The following PRKN variants were observed in gnomAD, a reference collection of about 807,000 sequenced individuals.
PRKN encodes E3 ubiquitin-protein ligase parkin.
PRKN carries 56 observed loss-of-function variants against 59.5 expected under a neutral mutation model. The ratio of observed to expected loss-of-function variants is 0.94; its 90% CI spans 0.76 to 1.18. The LOEUF (loss-of-function observed/expected upper bound fraction) is 1.18, where lower values mean the gene tolerates loss of function less well. Among genes scored for constraint, PRKN ranks in the 50% most tolerant of loss-of-function variants. The probability of loss-of-function intolerance (pLI) is 0.00; values close to 1 mark genes in which losing one functional copy is unlikely to be tolerated. For synonymous variants in PRKN, 250 were observed against 222.1 expected (o/e 1.13, Z -1.12); for missense variants, 657 against 596.4 (o/e 1.10, Z -1.06).
At chr6:161,455,343 G>A (rs1789919096) in intron 9 of PRKN, among the ~76,000 whole-genome samples, 2 of 152,096 alleles carry the variant, frequency 1.3e-5, no homozygotes, top group South Asian at 4.2e-4. Context: ...GGCCTGACAC[G>A]CTGTGTTCTA....
At position 162,118,127 on chromosome 6, in the gene PRKN, T is replaced by C. The variant is rs937340714; in HGVS notation, c.535-63953A>G. On this transcript the variant is annotated intron_variant, in intron 4 of 11. Coordinates refer to ENST00000366898, the MANE Select transcript of PRKN (RefSeq NM_004562.3). The stretch of plus-strand genomic sequence containing the variant: ...TTTCAAATTTTAAAAATGAGTATGA[T>C]TGGGCCGGGCGCAGTGGCTCACGCC... Among the ~76,000 whole-genome samples, 10 of 151,464 alleles carry C rather than the reference T, an allele frequency of 6.6e-5. No homozygotes were observed. In the East Asian group the frequency reaches 2.0e-3, roughly 30 times the overall value.
chr6:161,847,293 C>A (rs1793240042), intron 6 of PRKN, among the ~76,000 whole-genome samples: 1 of 151,118 alleles, frequency 6.6e-6, no homozygotes, highest in African/African-American at 2.4e-5. Context: ...GGTGACAGAG[C>A]AAGACTCTGT....
intron 10 of PRKN, among the ~76,000 whole-genome samples, chr6:161,375,618 C>A (rs1345176212): frequency 6.6e-6 from 1 of 152,126 alleles, no homozygotes; most frequent in Non-Finnish European, 1.5e-5. Context: ...GTGTGGCAGG[C>A]GACGAAAAGG....
chr6:162,296,215 C>G (rs1385502271), intron 2 of PRKN, among the ~76,000 whole-genome samples: 22 of 142,414 alleles, frequency 1.5e-4, no homozygotes, highest in Middle Eastern at 3.5e-3. Context: ...GTGCCCATCC[C>G]CCCACCCCCT....
intron 1 of PRKN, among the ~76,000 whole-genome samples, chr6:162,682,868 C>T (rs948020269): frequency 6.6e-5 from 10 of 152,170 alleles, no homozygotes; most frequent in East Asian, 3.9e-4. Context: ...AATAAGGGTA[C>T]ATTTGCAAAC....
intron 9 of PRKN, among the ~76,000 whole-genome samples, chr6:161,389,108 A>T (rs1786392540): frequency 6.6e-6 from 1 of 152,202 alleles, no homozygotes; most frequent in African/African-American, 2.4e-5. Flanking sequence ...AAACAAAAAT[A>T]ATAGAAACCA....
intron 6 of PRKN, among the ~76,000 whole-genome samples, chr6:161,823,617 A>G (rs940001093): frequency 6.6e-6 from 1 of 150,410 alleles, no homozygotes; most frequent in East Asian, 1.9e-4. Context: ...ATTTGCTTTA[A>G]GAGAAAATAA....
Position 161,647,537 on chromosome 6 carries a change from G to A in PRKN, c.872-78121C>T, listed in dbSNP as rs558744896. On this transcript the variant is annotated intron_variant, in intron 7 of 11. Transcript: ENST00000366898. Reference sequence around the variant, plus strand: ...ATCCTGCTGCCAGCACAAACTTCCTGTGTTTAAAAGTGCAACTGGGTATGG... The same window carrying A: ...ATCCTGCTGCCAGCACAAACTTCCTATGTTTAAAAGTGCAACTGGGTATGG... Among the ~76,000 whole-genome samples, 25 of 152,184 alleles carry A rather than the reference G, an allele frequency of 1.6e-4. No homozygotes were observed. The South Asian group carries it at 5.0e-3, about 30-fold the overall frequency.
chr6:161,611,240 G>T (rs1484548453), intron 7 of PRKN, among the ~76,000 whole-genome samples: 2 of 152,202 alleles, frequency 1.3e-5, no homozygotes, highest in African/African-American at 2.4e-5. Flanking sequence ...CGTATATGCA[G>T]GGCGAGCTTG....
intron 2 of PRKN, among the ~76,000 whole-genome samples, chr6:162,298,949 G>A (rs1438104607): frequency 1.3e-5 from 2 of 152,106 alleles, no homozygotes; most frequent in Non-Finnish European, 2.9e-5. Context: ...GTCCAAGACA[G>A]TGAGGGCCTG....
chr6:161,983,896 T>G (rs961707595), intron 5 of PRKN, among the ~76,000 whole-genome samples: 2 of 123,330 alleles, frequency 1.6e-5, no homozygotes, highest in African/African-American at 6.7e-5. Context: ...CCCTAAAACT[T>G]AGAGTATAAT....
At chr6:162,607,691 A>G (rs1781979746) in intron 1 of PRKN, among the ~76,000 whole-genome samples, 1 of 152,200 alleles carries the variant, frequency 6.6e-6, no homozygotes, top group Non-Finnish European at 1.5e-5. Flanking sequence ...GATACAAAGC[A>G]AAGCACCAGT....
At chr6:161,913,014 T>G (rs1222911480) in intron 6 of PRKN, among the ~76,000 whole-genome samples, 2 of 151,646 alleles carry the variant, frequency 1.3e-5, no homozygotes, top group Non-Finnish European at 2.9e-5. Flanking sequence ...CCATCTCTAC[T>G]AAAAATACAA....
intron 1 of PRKN, among the ~76,000 whole-genome samples, chr6:162,524,984 A>G (rs1199797101): frequency 6.6e-6 from 1 of 152,164 alleles, no homozygotes. Flanking sequence ...AATGTAAGTG[A>G]CTGATCTTTC....
At chr6:162,468,103 G>GC (rs1791524186) in intron 1 of PRKN, among the ~76,000 whole-genome samples, 1 of 152,150 alleles carries the variant, frequency 6.6e-6, no homozygotes, top group Non-Finnish European at 1.5e-5. Flanking sequence ...TTAAATGTAA[G>GC]CCCCGACAGG....
intron 7 of PRKN, among the ~76,000 whole-genome samples, chr6:161,640,187 T>G (rs899916157): frequency 6.6e-6 from 1 of 152,264 alleles, no homozygotes; most frequent in African/African-American, 2.4e-5. Context: ...CTCATTCATA[T>G]GAAAATACTT....
intron 1 of PRKN, among the ~76,000 whole-genome samples, chr6:162,648,787 A>C (rs183618153): frequency 1.3e-5 from 2 of 152,322 alleles, no homozygotes; most frequent in Admixed American, 6.5e-5. Context: ...CTTATATGTT[A>C]TGTGTTAACT....
At chr6:161,956,873 A>G (rs1056220324) in intron 6 of PRKN, among the ~76,000 whole-genome samples, 1 of 152,182 alleles carries the variant, frequency 6.6e-6, no homozygotes, top group African/African-American at 2.4e-5. Context: ...TAATATAATT[A>G]CTGTAGCTAT....
intron 4 of PRKN, among the ~76,000 whole-genome samples, chr6:162,120,177 A>AT (rs1301477588): frequency 1.3e-5 from 2 of 151,928 alleles, no homozygotes; most frequent in Non-Finnish European, 2.9e-5. Context: ...TAATTTTTAT[A>AT]TTTTTTTGCA....
Sources: gnomAD v4.1 joint callset for allele counts (sites outside exome capture counted in the v4.1 genomes callset) on GRCh38, gnomAD v4.1.1 for gene constraint, MANE v1.5 for transcripts, NCBI Gene and HGNC (gene_info 2026-07-23, HGNC 2026-07-21) for gene names.